Variants in PPP1R15A observed in about 807,000 individuals in gnomAD.
PPP1R15A encodes the protein growth arrest and DNA damage-inducible protein GADD34.
Under a neutral mutation model 48.5 loss-of-function variants are expected in PPP1R15A, and 43 were observed. That is an observed-to-expected ratio of 0.89 (90% CI 0.69 to 1.14). PPP1R15A has a LOEUF of 1.14. Among genes scored for constraint, PPP1R15A ranks in the 50% most tolerant of loss-of-function variants. The pLI, the probability that PPP1R15A is intolerant of heterozygous loss-of-function variation, is 0.00. For synonymous variants in PPP1R15A, 327 were observed against 327.4 expected, an observed-to-expected ratio of 1.00 and a Z score of 0.01; for missense variants, 868 against 847.2, an observed-to-expected ratio of 1.02 and a Z score of -0.30.
Position 48,873,960 on chromosome 19 carries a change from G to C in PPP1R15A, c.727G>C (p.Ala243Pro). The C allele has an allele frequency of 6.2e-7, 1 of 1,614,010 alleles. No homozygotes were observed. The highest frequency in any genetic ancestry group is 1.1e-5 in the South Asian group (1 of 91,084). ...EDKRTERSKG[A>P]RKTSVSPRSS... ...TAAAAGAACAGAAAGAAGTAAAGGA[G>C]CCAGGAAGACCTCCGTGTCCCCCCG... The change falls in exon 2 of 3, where the codon GCC becomes CCC. Residue 243 changes from alanine to proline, a missense_variant. Physicochemically the swap from Ala to Pro is conservative, Grantham distance 27. Transcript: ENST00000200453.
Position 48,876,019 on chromosome 19 carries a change from A to G in PPP1R15A, c.*46A>G, listed in dbSNP as rs753035746. 8 of 1,502,234 alleles carry G rather than the reference A, an allele frequency of 5.3e-6. No individual in the cohort carries two copies. The highest frequency in any genetic ancestry group is 7.1e-6 in the Non-Finnish European group (8 of 1,126,804). 93.1% of individuals were successfully genotyped at this position (1,502,234 alleles called of 1,614,324 possible). The stretch of plus-strand genomic sequence containing the variant: ...ATTTATTAACTATTTATTTTTTCTA[A>G]GTGTGGGTTTATATAAGGAATAAAG... On this transcript the variant is annotated 3_prime_UTR_variant, in exon 3 of 3. Transcript: ENST00000200453.
At chr19:48,872,736 C>T in intron 1 of PPP1R15A, 85 bp downstream of exon 1, 1 of 302,266 alleles carries the variant, frequency 3.3e-6, no homozygotes, top group East Asian at 8.8e-5. Flanking sequence ...GCCTGGAGTC[C>T]TGAGCCTGAG....
chr19:48,874,923 ATTTT>A, intron 2 of PPP1R15A, 25 bp downstream of exon 2: 5 of 1,368,062 alleles, frequency 3.7e-6, no homozygotes, highest in Admixed American at 2.8e-5. Context: ...CCCAGATTCT[ATTTT>A]TTTTTTTTTT....
chr19:48,875,969 G>T lies in PPP1R15A; in HGVS notation c.2021G>T (p.Gly674Val). Residue 674 changes from glycine to valine, a missense_variant, in exon 3 of 3, where the codon GGC becomes GTC. Physicochemically the swap from Gly to Val is moderately radical, Grantham distance 109 (BLOSUM62 -3). Coordinates refer to ENST00000200453, the MANE Select transcript of PPP1R15A (RefSeq NM_014330.5). ...AAALDLSGRR[G>V] ...GCCCTGGACCTCAGTGGGAGGCGTG[G>T]CTGAGACCAACTGGTTTGCCTATAA... is the stretch of plus-strand genomic sequence containing the variant. 6.4e-7 allele frequency: 1 copy of T among 1,569,144 alleles called. No individual in the cohort carries two copies. The highest frequency in any genetic ancestry group is 8.7e-7 in the Non-Finnish European group (1 of 1,155,638).
rs1349049980 is a variant in PPP1R15A at position 48,874,213 on chromosome 19, AGTG to A, written c.981_983del (p.Glu327_Cys328delinsAsp). On this transcript the variant is annotated inframe_deletion, in exon 2 of 3. Coordinates refer to ENST00000200453, the MANE Select transcript of PPP1R15A (RefSeq NM_014330.5). ...GCAGCTGAGAAGGATGGAGAAGCTG[AGTG>A]TCCTCCCTGCATCCCCCCACCAAGT... 22 of 1,614,198 alleles carry A rather than the reference AGTG, an allele frequency of 1.4e-5. No homozygotes were observed. The highest frequency in any genetic ancestry group is 5.0e-5 in the Admixed American group (3 of 60,006).
At chr19:48,875,377 T>C in intron 2 of PPP1R15A, 1 of 596,006 alleles carries the variant, frequency 1.7e-6, no homozygotes, top group Non-Finnish European at 2.9e-6. Context: ...GCCAGGCCCC[T>C]GGGGGAGGAG....
rs1375435159 is a variant in PPP1R15A, at chr19:48,875,688, C to A, written c.1740C>A (p.Gly580=). The change falls in exon 3 of 3, where the codon GGC becomes GGA. Residue 580 remains glycine (G), a synonymous_variant. Coordinates refer to ENST00000200453, the MANE Select transcript of PPP1R15A (RefSeq NM_014330.5). Reference sequence around the variant, plus strand: ...GGCCGGCCCAGGCCGCCCGCCAGGGCCCCTGGGAGCAGCTTGCTCGGGATC... The same window carrying A: ...GGCCGGCCCAGGCCGCCCGCCAGGGACCCTGGGAGCAGCTTGCTCGGGATC... ...WAGPAQAARQ[G]PWEQLARDRS... 1.9e-6 allele frequency: 3 copies of A among 1,611,992 alleles called. No individual in the cohort carries two copies. The highest frequency in any genetic ancestry group is 1.1e-5 in the South Asian group (1 of 90,994).
At chr19:48,875,015 C>T (rs972542992) in intron 2 of PPP1R15A, 117 bp downstream of exon 2, 12 of 1,252,434 alleles carry the variant, frequency 9.6e-6, no homozygotes, top group East Asian at 5.3e-5. Context: ...CAACCTCTGC[C>T]GCCCAAGTTC....
rs2037034595 is a variant in PPP1R15A at position 48,873,451 on chromosome 19, C to T, written c.218C>T (p.Thr73Ile). The T allele has an allele frequency of 1.9e-6, 3 of 1,613,426 alleles. No homozygotes were observed. The highest frequency in any genetic ancestry group is 2.5e-6 in the Non-Finnish European group (3 of 1,179,718). The change falls in exon 2 of 3, where the codon ACC (threonine) becomes ATC (isoleucine). Residue 73 changes from threonine to isoleucine, a missense_variant. Coordinates refer to ENST00000200453, the MANE Select transcript of PPP1R15A (RefSeq NM_014330.5). ...EARTPLAIPH[T>I]PWGRRPEEEA... ...AGGACTCCTCTGGCAATCCCCCATA[C>T]CCCTTGGGGCAGACGCCCTGAAGAG...
At position 48,875,029 on chromosome 19, in the gene PPP1R15A, C is replaced by T. The variant is rs180751040; in HGVS notation, c.1665+131C>T. On this transcript the variant is annotated intron_variant, in intron 2 of 2. Coordinates refer to ENST00000200453, the MANE Select transcript of PPP1R15A (RefSeq NM_014330.5). ...CCAACCTCTGCCGCCCAAGTTCAGG[C>T]GATTCTCGTGCCTCAGCCTCCAGAG... 2.3e-4 allele frequency: 257 copies of T among 1,138,128 alleles called. 2 individuals carry two copies. In the African/African-American group the frequency reaches 3.0e-3, roughly 13 times the overall value. 70.5% of individuals were successfully genotyped at this position (1,138,128 alleles called of 1,614,324 possible).
At position 48,873,561 on chromosome 19, in the gene PPP1R15A, C is replaced by A; in HGVS notation, c.328C>A (p.Leu110Ile). The change falls in exon 2 of 3, where the codon CTT becomes ATT. Residue 110 changes from leucine to isoleucine, a missense_variant. Leu to Ile is a conservative substitution (Grantham distance 5, BLOSUM62 2). Coordinates refer to ENST00000200453, the MANE Select transcript of PPP1R15A (RefSeq NM_014330.5). ...TSSSLPEAWG[L>I]LDDDDGMYGE... Reference sequence around the variant, plus strand: ...CAGTTCCCTTCCTGAAGCCTGGGGACTTTTGGATGATGATGATGGCATGTA... The same window carrying A: ...CAGTTCCCTTCCTGAAGCCTGGGGAATTTTGGATGATGATGATGGCATGTA... 1 of 1,614,130 alleles carries A rather than the reference C, an allele frequency of 6.2e-7. No homozygotes were observed. The highest frequency in any genetic ancestry group is 1.1e-5 in the South Asian group (1 of 91,086).
intron 1 of PPP1R15A, 139 bp from the exon 2 acceptor site, chr19:48,873,086 A>G (rs2037027967): frequency 4.5e-6 from 6 of 1,339,226 alleles, no homozygotes; most frequent in Non-Finnish European, 4.8e-6. Context: ...CGTGGCCGAG[A>G]TCAGAAAGGA....
intron 2 of PPP1R15A, chr19:48,875,265 G>A (rs970363806): frequency 2.9e-6 from 1 of 346,450 alleles, no homozygotes; most frequent in Non-Finnish European, 5.3e-6. Context: ...GAAAGAAAGG[G>A]GGCTGGGGGC....
intron 1 of PPP1R15A, 87 bp from the exon 2 acceptor site, chr19:48,873,138 T>C: frequency 7.1e-7 from 1 of 1,405,724 alleles, no homozygotes; most frequent in Non-Finnish European, 9.3e-7. Context: ...GTTGTGTTAC[T>C]ATTTCCGTTG....
rs777713643 is a variant in PPP1R15A at position 48,873,999 on chromosome 19, G to A, written c.766G>A (p.Asp256Asn). The change falls in exon 2 of 3, where the codon GAC becomes AAC. Residue 256 changes from aspartate (D) to asparagine (N), a missense_variant. Coordinates refer to ENST00000200453, the MANE Select transcript of PPP1R15A (RefSeq NM_014330.5). ...TSVSPRSSGS[D>N]PRSWEYRSGE... ...CGTGTCCCCCCGATCTTCAGGCTCC[G>A]ACCCCAGGTCCTGGGAGTATCGTTC... 12 of 1,614,158 alleles carry A rather than the reference G, an allele frequency of 7.4e-6. No homozygotes were observed. The highest frequency in any genetic ancestry group is 5.5e-5 in the South Asian group (5 of 91,082).
intron 2 of PPP1R15A, chr19:48,875,192 A>G: frequency 3.0e-6 from 1 of 335,552 alleles, no homozygotes; most frequent in Non-Finnish European, 5.5e-6. Flanking sequence ...CAGCCTCCCA[A>G]AGTGCTGGGA....
rs1374245764 is a variant in PPP1R15A, at chr19:48,873,625, G to C, written c.392G>C (p.Gly131Ala). Residue 131 changes from glycine (G) to alanine (A), a missense_variant, in exon 2 of 3, where the codon GGA becomes GCA. By Grantham distance (60) the Gly-to-Ala change is moderately conservative. Transcript: ENST00000200453. ...GCAACCAGTGTCCCTAGAGGGCAGG[G>C]AAGTCAATTTGCAGATGGCCAGCGT... The part of the protein sequence containing the change: ...REATSVPRGQ[G>A]SQFADGQRAP... 6.2e-7 allele frequency: 1 copy of C among 1,614,034 alleles called. No individual in the cohort carries two copies. The highest frequency in any genetic ancestry group is 2.2e-5 in the East Asian group (1 of 44,898).
In PPP1R15A at chr19:48,873,587, T is replaced by G. The variant is rs2037036867; in HGVS notation, c.354T>G (p.Tyr118Ter). 5 of 1,614,014 alleles carry G rather than the reference T, an allele frequency of 3.1e-6. No homozygotes were observed. The highest frequency in any genetic ancestry group is 4.2e-6 in the Non-Finnish European group (5 of 1,180,034). The change falls in exon 2 of 3, where the codon TAT becomes TAG. Residue 118 changes from tyrosine to a stop codon, truncating the protein, a stop_gained. Transcript: ENST00000200453. LOFTEE classifies it high-confidence loss of function. Reference sequence around the variant, plus strand: ...TTTTGGATGATGATGATGGCATGTATGGTGAGCGAGAGGCAACCAGTGTCC... The same window carrying G: ...TTTTGGATGATGATGATGGCATGTAGGGTGAGCGAGAGGCAACCAGTGTCC... ...WGLLDDDDGM[Y>*]GEREATSVPR...
chr19:48,874,974 G>T (rs770481866), intron 2 of PPP1R15A, 76 bp downstream of exon 2: 3 of 1,411,488 alleles, frequency 2.1e-6, no homozygotes, highest in African/African-American at 2.9e-5. Flanking sequence ...CACCCAGGCT[G>T]GAGTGCAGCG....
Sources: allele counts gnomAD v4.1 joint callset, GRCh38; gene constraint gnomAD v4.1.1; transcripts MANE v1.5; gene names NCBI Gene and HGNC (gene_info 2026-07-23, HGNC 2026-07-21).